Variants in CTNNA3 observed in about 807,000 individuals in gnomAD.
CTNNA3 encodes the protein catenin alpha 3, also known as catenin alpha-3.
CTNNA3 carries 76 observed loss-of-function variants against 95.7 expected under a neutral mutation model. The ratio of observed to expected loss-of-function variants is 0.79; its 90% CI spans 0.66 to 0.96. The LOEUF is 0.96. CTNNA3 is among the 40% of genes least tolerant of loss of function. The pLI, the probability that CTNNA3 is intolerant of heterozygous loss-of-function variation, is 0.00. For missense variants in CTNNA3, 1,191 were observed against 1,089.8 expected (o/e 1.09, Z -1.31); for synonymous variants, 431 against 374.4 (o/e 1.15, Z -1.74).
chr10:67,064,080 C>T lies in CTNNA3; in HGVS notation c.1047+116237G>A, dbSNP rs145879168. Among the ~76,000 whole-genome samples, 911 of 152,270 alleles carry T rather than the reference C, an allele frequency of 6.0e-3. 8 individuals carry two copies. Among genetic ancestry groups the T allele is most frequent in the African/African-American group, 0.021 (855 of 41,548 alleles). On this transcript the variant is annotated intron_variant, in intron 7 of 17. Transcript: ENST00000433211. The stretch of plus-strand genomic sequence containing the variant: ...CGCTTCAGCTTTTCACTTAATAGTG[C>T]ACTTATTTCTAGTTAGCCCTTGAGT...
intron 13 of CTNNA3, among the ~76,000 whole-genome samples, chr10:66,258,199 C>A (rs1302651318): frequency 6.6e-6 from 1 of 152,118 alleles, no homozygotes; most frequent in Non-Finnish European, 1.5e-5. Context: ...CTGTTTTAGA[C>A]AAAAATACAG....
intron 7 of CTNNA3, among the ~76,000 whole-genome samples, chr10:67,136,538 T>C (rs938750263): frequency 6.6e-6 from 1 of 151,694 alleles, no homozygotes; most frequent in Non-Finnish European, 1.5e-5. Flanking sequence ...ACAAGAACAC[T>C]AGAAAAAGAG....
chr10:66,644,302 C>CTA (rs1845620774), intron 9 of CTNNA3, among the ~76,000 whole-genome samples: 1 of 85,604 alleles, frequency 1.2e-5, no homozygotes. Context: ...GTCTCTCTCT[C>CTA]TCTCTATATA....
intron 9 of CTNNA3, among the ~76,000 whole-genome samples, chr10:66,737,176 G>T (rs1169266482): frequency 6.6e-6 from 1 of 152,056 alleles, no homozygotes; most frequent in Non-Finnish European, 1.5e-5. Flanking sequence ...ACACACTAGT[G>T]TAAAATAATT....
chr10:67,156,980 T>C (rs1177993990), intron 7 of CTNNA3, among the ~76,000 whole-genome samples: 2 of 152,160 alleles, frequency 1.3e-5, no homozygotes, highest in South Asian at 2.1e-4. Flanking sequence ...TGGGTACATA[T>C]ATTTATAGTT....
intron 12 of CTNNA3, among the ~76,000 whole-genome samples, chr10:66,343,945 G>C (rs180721614): frequency 2.6e-5 from 4 of 151,884 alleles, no homozygotes; most frequent in Admixed American, 2.6e-4. Context: ...ATTGATTGTA[G>C]GCTGGGCATA....
intron 12 of CTNNA3, among the ~76,000 whole-genome samples, chr10:66,338,690 G>C (rs540918775): frequency 6.6e-6 from 1 of 151,866 alleles, no homozygotes; most frequent in South Asian, 2.1e-4. Flanking sequence ...CAAAGATCAG[G>C]GAGGCAGGTT....
intron 11 of CTNNA3, among the ~76,000 whole-genome samples, chr10:66,434,568 A>C (rs1257041907): frequency 6.6e-6 from 1 of 152,138 alleles, no homozygotes; most frequent in African/African-American, 2.4e-5. Context: ...GGTTTTCTAG[A>C]TATACAATCA....
chr10:67,190,154 C>G (rs907046026), intron 6 of CTNNA3, among the ~76,000 whole-genome samples: 2 of 151,818 alleles, frequency 1.3e-5, no homozygotes, highest in African/African-American at 4.8e-5. Flanking sequence ...CCTCTAGAAA[C>G]AGAAATAATT....
intron 11 of CTNNA3, among the ~76,000 whole-genome samples, chr10:66,478,929 T>C (rs1839417951): frequency 6.6e-6 from 1 of 151,870 alleles, no homozygotes; most frequent in African/African-American, 2.4e-5. Flanking sequence ...GAATTTACCA[T>C]TTTCCCCCTT....
chr10:66,787,517 C>A (rs1427409821), intron 7 of CTNNA3, among the ~76,000 whole-genome samples: 2 of 151,982 alleles, frequency 1.3e-5, no homozygotes, highest in African/African-American at 4.8e-5. Flanking sequence ...TCCTTCCTCT[C>A]CGGGAAGTGC....
chr10:66,695,920 G>GGGGT (rs1554837134), intron 9 of CTNNA3, among the ~76,000 whole-genome samples: 3 of 140,350 alleles, frequency 2.1e-5, no homozygotes, highest in African/African-American at 7.8e-5. Flanking sequence ...GACGTAAGGG[G>GGGGT]GGGGGGCAAT....
At chr10:67,681,369 C>T (rs1384171307) in intron 1 of CTNNA3, among the ~76,000 whole-genome samples, 1 of 151,884 alleles carries the variant, frequency 6.6e-6, no homozygotes, top group Non-Finnish European at 1.5e-5. Flanking sequence ...AAATGGACTC[C>T]AATATAAACT....
At position 66,570,689 on chromosome 10, in the gene CTNNA3, TA is replaced by T. The variant is rs77224637; in HGVS notation, c.1375-49917del. Among the ~76,000 whole-genome samples, 263 of 137,634 alleles carry T rather than the reference TA, an allele frequency of 1.9e-3. 1 individual carries two copies. The highest frequency in any genetic ancestry group is 3.8e-3 in the Middle Eastern group (1 of 264). The allele number at this position is 137,634 out of a possible 152,430, so 90.3% of individuals were successfully genotyped here. A position where few individuals can be genotyped will look rare whatever the true frequency, so the allele number is the denominator to read the frequency against. ...ACACAGGTCTCAGATGGAGCAAAAG[TA>T]AAAAAAAAAAAATTAAAAAATAAAG... On this transcript the variant is annotated intron_variant, in intron 10 of 17. Transcript: ENST00000433211.
At chr10:67,547,960 C>T (rs4746687) in intron 3 of CTNNA3, among the ~76,000 whole-genome samples, 60,377 of 152,022 alleles carry the variant, frequency 0.4, 15,320 homozygotes, top group African/African-American at 0.69. Context: ...CTCCCCATAT[C>T]GGTCCACAGA....
intron 7 of CTNNA3, among the ~76,000 whole-genome samples, chr10:66,903,164 A>T (rs1564754342): frequency 6.6e-6 from 1 of 152,210 alleles, no homozygotes; most frequent in Non-Finnish European, 1.5e-5. Flanking sequence ...CAGCACATCA[A>T]AAAGCTTATC....
At chr10:67,157,892 C>T (rs189418592) in intron 7 of CTNNA3, among the ~76,000 whole-genome samples, 16 of 152,238 alleles carry the variant, frequency 1.1e-4, no homozygotes, top group African/African-American at 3.6e-4. Context: ...AAAGAATTCA[C>T]TCATTCTGTA....
intron 12 of CTNNA3, among the ~76,000 whole-genome samples, chr10:66,327,576 A>C (rs2092270429): frequency 6.6e-6 from 1 of 151,962 alleles, no homozygotes; most frequent in Non-Finnish European, 1.5e-5. Flanking sequence ...TTGTCGTTCA[A>C]ATTTTGCATT....
chr10:66,732,113 G>T (rs904625133), intron 9 of CTNNA3, among the ~76,000 whole-genome samples: 1 of 152,158 alleles, frequency 6.6e-6, no homozygotes, highest in Non-Finnish European at 1.5e-5. Flanking sequence ...ATTTGCCCAG[G>T]TTATTCTCTT....
Sources: allele counts gnomAD v4.1 joint callset (sites outside exome capture counted in the v4.1 genomes callset), GRCh38; gene constraint gnomAD v4.1.1; transcripts MANE v1.5; gene names NCBI Gene and HGNC (gene_info 2026-07-23, HGNC 2026-07-21).